Variants in SGK3 observed in about 807,000 individuals in gnomAD.
The protein encoded by SGK3 is serine/threonine-protein kinase Sgk3.
In SGK3, 47 loss-of-function variants were observed where a neutral mutation model predicts 68.5. That is an observed-to-expected ratio of 0.69 (90% CI 0.54 to 0.87). SGK3 has a LOEUF of 0.87. Among genes scored for constraint, SGK3 ranks in the 40% least tolerant of loss-of-function variants. The probability of loss-of-function intolerance (pLI) is 0.00; values close to 1 mark genes in which losing one functional copy is unlikely to be tolerated. For missense variants in SGK3, 479 were observed against 575.5 expected, an observed-to-expected ratio of 0.83 and a Z score of 1.72; for synonymous variants, 181 against 189.1, an observed-to-expected ratio of 0.96 and a Z score of 0.35.
intron 1 of SGK3, among the ~76,000 whole-genome samples, chr8:66,759,240 CA>C (rs1038639513): frequency 6.6e-6 from 1 of 151,392 alleles, no homozygotes; most frequent in African/African-American, 2.4e-5. Context: ...TGTGTGCCAC[CA>C]TACCCAGCTA....
At chr8:66,744,485 A>G (rs75598923) in intron 1 of SGK3, among the ~76,000 whole-genome samples, 14,313 of 37,094 alleles carry the variant, frequency 0.39, 2,081 homozygotes, top group African/African-American at 0.56. Context: ...GTGTGTGTGT[A>G]TATATATATA....
chr8:66,723,111 ATATATATATATATATATATATTTTTTTTT>A (rs1804856242), intron 1 of SGK3, among the ~76,000 whole-genome samples: 1 of 46,492 alleles, frequency 2.2e-5, no homozygotes, highest in Non-Finnish European at 4.3e-5. Context: ...ATATATATAT[ATATATATATATATATATATATTTTTTTTT>A]TTTTTTTTTT....
At chr8:66,799,657 T>C (rs1807849934) in intron 3 of SGK3, among the ~76,000 whole-genome samples, 1 of 152,212 alleles carries the variant, frequency 6.6e-6, no homozygotes, top group Non-Finnish European at 1.5e-5. Context: ...GGTCTTGCGC[T>C]GTCACCCAGG....
At chr8:66,725,923 G>A (rs1157562433) in intron 1 of SGK3, among the ~76,000 whole-genome samples, 3 of 152,144 alleles carry the variant, frequency 2.0e-5, no homozygotes, top group African/African-American at 7.2e-5. Flanking sequence ...TGCAATTACT[G>A]CAACATCAGT....
chr8:66,851,236 A>G (rs1248914746), intron 16 of SGK3, among the ~76,000 whole-genome samples: 3 of 152,148 alleles, frequency 2.0e-5, no homozygotes, highest in Non-Finnish European at 4.4e-5. Context: ...CCAGCACTTT[A>G]GGAGGCTGAG....
At chr8:66,767,939 C>A in intron 1 of SGK3, 2 of 992,534 alleles carry the variant, frequency 2.0e-6, no homozygotes, top group Non-Finnish European at 3.3e-6. Flanking sequence ...AGCTTCAGCC[C>A]ATCCTTTGTA....
At chr8:66,820,028 G>C (rs1379586861) in intron 5 of SGK3, among the ~76,000 whole-genome samples, 4 of 152,060 alleles carry the variant, frequency 2.6e-5, no homozygotes, top group Non-Finnish European at 5.9e-5. Flanking sequence ...ATGTTGGCCA[G>C]GCTGGTCTTG....
Position 66,828,723 on chromosome 8 carries a change from A to C in SGK3, c.467+20A>C. The C allele has an allele frequency of 1.2e-6, 2 of 1,613,734 alleles. No individual in the cohort carries two copies. Among genetic ancestry groups the C allele is most frequent in the Non-Finnish European group, 1.7e-6 (2 of 1,179,892 alleles). ...TCCTCAGTATGTTTAATTTGCTTCA[A>C]ACAATTTTTTAACTGAATTTTAGGA... On this transcript the variant is annotated intron_variant, in intron 7 of 16. Coordinates refer to ENST00000521198, the MANE Select transcript of SGK3 (RefSeq NM_001033578.3).
At chr8:66,842,370 G>A (rs113725020) in intron 13 of SGK3, among the ~76,000 whole-genome samples, 3,258 of 151,898 alleles carry the variant, frequency 0.021, 113 homozygotes, top group African/African-American at 0.07. Context: ...ACAGGCGCCC[G>A]CCACCACGCC....
At chr8:66,816,315 T>C (rs1410146412) in intron 5 of SGK3, among the ~76,000 whole-genome samples, 1 of 151,348 alleles carries the variant, frequency 6.6e-6, no homozygotes, top group Non-Finnish European at 1.5e-5. Flanking sequence ...GGCATTTTCT[T>C]TTTAGCAAAA....
intron 16 of SGK3, among the ~76,000 whole-genome samples, chr8:66,856,605 A>G (rs976448084): frequency 6.6e-6 from 1 of 152,212 alleles, no homozygotes; most frequent in African/African-American, 2.4e-5. Flanking sequence ...TGGGATGCTC[A>G]GCCTGTATTA....
chr8:66,728,343 C>A (rs1272763932), intron 1 of SGK3, among the ~76,000 whole-genome samples: 3 of 147,548 alleles, frequency 2.0e-5, no homozygotes, highest in African/African-American at 7.5e-5. Context: ...TTTTTTTTTC[C>A]AAGATGGAGT....
At chr8:66,806,455 T>A (rs1487775769) in intron 4 of SGK3, among the ~76,000 whole-genome samples, 1 of 152,172 alleles carries the variant, frequency 6.6e-6, no homozygotes, top group Non-Finnish European at 1.5e-5. Flanking sequence ...CAGATTATAT[T>A]CTGTAGACCT....
chr8:66,739,033 C>T (rs1805407156), intron 1 of SGK3, among the ~76,000 whole-genome samples: 1 of 152,144 alleles, frequency 6.6e-6, no homozygotes, highest in Non-Finnish European at 1.5e-5. Context: ...TCCCACTGTC[C>T]CACCTCTGGA....
intron 16 of SGK3, among the ~76,000 whole-genome samples, chr8:66,858,390 C>T (rs1232610063): frequency 3.3e-5 from 5 of 151,138 alleles, no homozygotes; most frequent in Admixed American, 6.6e-5. Flanking sequence ...GGCGTGAACC[C>T]GGGAGGCGGA....
chr8:66,774,588 A>G (rs1435232837), intron 1 of SGK3, among the ~76,000 whole-genome samples: 2 of 152,068 alleles, frequency 1.3e-5, no homozygotes, highest in Non-Finnish European at 2.9e-5. Flanking sequence ...AGAGTAGCAC[A>G]CTACGGACAT....
At chr8:66,723,113 ATATATATATATATATATATTTTT>A (rs1563595163) in intron 1 of SGK3, among the ~76,000 whole-genome samples, 16 of 49,084 alleles carry the variant, frequency 3.3e-4, no homozygotes, top group African/African-American at 1.2e-3. Context: ...ATATATATAT[ATATATATATATATATATATTTTT>A]TTTTTTTTTT....
At chr8:66,780,162 T>C (rs977751041) in intron 1 of SGK3, among the ~76,000 whole-genome samples, 6 of 152,186 alleles carry the variant, frequency 3.9e-5, no homozygotes, top group East Asian at 1.9e-4. Flanking sequence ...TTAGTACATA[T>C]AGTACTTGGA....
At chr8:66,744,864 C>T (rs1484814497) in intron 1 of SGK3, among the ~76,000 whole-genome samples, 1 of 149,644 alleles carries the variant, frequency 6.7e-6, no homozygotes, top group Admixed American at 6.7e-5. Context: ...ATTGGTCCTT[C>T]AATTTTCTTA....
Sources: gnomAD v4.1 joint callset for allele counts (sites outside exome capture counted in the v4.1 genomes callset) on GRCh38, gnomAD v4.1.1 for gene constraint, MANE v1.5 for transcripts, NCBI Gene and HGNC (gene_info 2026-07-23, HGNC 2026-07-21) for gene names.